ZMYND19: variants seen among roughly 807,000 people sequenced by gnomAD.
ZMYND19 encodes zinc finger MYND-type containing 19, also known as zinc finger MYND domain-containing protein 19.
A neutral mutation model predicts 32.0 loss-of-function variants in ZMYND19; 17 were observed. The observed-to-expected ratio is 0.53, with a 90% confidence interval of 0.36 to 0.80. ZMYND19 has a LOEUF of 0.80. Ranked by LOEUF, ZMYND19 falls within the 30% of genes least tolerant of loss-of-function variation. The pLI, the probability that ZMYND19 is intolerant of heterozygous loss-of-function variation, is 0.00. For missense variants in ZMYND19, 250 were observed against 293.6 expected, an observed-to-expected ratio of 0.85 and a Z score of 1.09; for synonymous variants, 124 against 113.6, an observed-to-expected ratio of 1.09 and a Z score of -0.58.
Position 137,590,066 on chromosome 9 carries a change from C to T in ZMYND19, c.51+147G>A, listed in dbSNP as rs1842254814. On this transcript the variant is annotated intron_variant, in intron 1 of 5. Transcript: ENST00000298585. The surrounding 1 kb of genome is among the most constrained non-coding windows in gnomAD (Gnocchi z 4.2). ...GCTGCACCCGCGCGGGGCCAGCAGC[C>T]GGGCCCGCGCAGCGTCCCCCGCCCC... The T allele has an allele frequency of 5.1e-6, 5 of 983,378 alleles. No individual in the cohort carries two copies. Among genetic ancestry groups the T allele is most frequent in the Admixed American group, 6.2e-5 (1 of 16,078 alleles). 60.9% of individuals were successfully genotyped at this position (983,378 alleles called of 1,614,324 possible).
chr9:137,583,160 C>T lies in ZMYND19; in HGVS notation c.363G>A (p.Glu121=), dbSNP rs141144260. 218 of 1,613,762 alleles carry T rather than the reference C, an allele frequency of 1.4e-4. 2 individuals carry two copies. In the African/African-American group the frequency reaches 2.5e-3, roughly 19 times the overall value. The change falls in exon 5 of 6, where the codon GAG becomes GAA. Residue 121 remains glutamate, a synonymous_variant. Transcript: ENST00000298585. ...GAATTGCAAGCCAATACAAGCTTTG[C>T]TCCCTTAAAGAAAGAAGCAGACACT... The part of the protein sequence containing the change: ...KAEETSSKQR[E]QSLYWLAIQQ...
intron 5 of ZMYND19, 145 bp from the exon 6 acceptor site, chr9:137,582,831 A>G (rs1832916976): frequency 6.7e-7 from 1 of 1,500,688 alleles, no homozygotes; most frequent in Non-Finnish European, 8.9e-7. Context: ...GGCCAGCACA[A>G]GGGCAAAGGG....
chr9:137,582,440 C>G lies in ZMYND19; in HGVS notation c.*103G>C. On this transcript the variant is annotated 3_prime_UTR_variant, in exon 6 of 6. Coordinates refer to ENST00000298585, the MANE Select transcript of ZMYND19 (RefSeq NM_138462.3). ...AGTCTCACGGCAGCTGTCCTGGGCC[C>G]GCAGCTGGCTTTTTTGGCACCTCCA... 1 of 1,498,136 alleles carries G rather than the reference C, an allele frequency of 6.7e-7. No individual in the cohort carries two copies. The highest frequency in any genetic ancestry group is 1.3e-5 in the South Asian group (1 of 76,646). The allele number at this position is 1,498,136 out of a possible 1,614,324, so 92.8% of individuals were successfully genotyped here. A position where few individuals can be genotyped will look rare whatever the true frequency, so the allele number is the denominator to read the frequency against.
Position 137,590,260 on chromosome 9 carries a change from T to A in ZMYND19, c.4A>T (p.Thr2Ser). The change falls in exon 1 of 6, where the codon ACC becomes TCC. Residue 2 changes from threonine to serine, a missense_variant. Around this residue, in one of 2 missense-constraint regions of ZMYND19, gnomAD observed 212 missense variants for 218.8 expected, o/e 0.97. Transcript: ENST00000298585. The surrounding 1 kb of genome is among the most constrained non-coding windows in gnomAD (Gnocchi z 4.2). M[T>S]DFKLGIVRLG... is the part of the protein sequence containing the mutation. The stretch of plus-strand genomic sequence containing the variant: ...CGCACGATACCCAATTTGAAGTCGG[T>A]CATGGCCGGGCCTGCGCTCTCGGCC... 8.7e-7 allele frequency: 1 copy of A among 1,145,226 alleles called. No homozygotes were observed. Among genetic ancestry groups the A allele is most frequent in the Non-Finnish European group, 1.1e-6 (1 of 917,646 alleles). 70.9% of individuals were successfully genotyped at this position (1,145,226 alleles called of 1,614,324 possible).
At chr9:137,583,243 G>A (rs1842167840) in intron 4 of ZMYND19, 80 bp from the exon 5 acceptor site, 3 of 1,516,426 alleles carry the variant, frequency 2.0e-6, no homozygotes, top group Non-Finnish European at 1.8e-6. Context: ...TGACTCCATA[G>A]AGTGCCATCC....
intron 1 of ZMYND19, chr9:137,589,382 C>T: frequency 1.0e-6 from 1 of 985,466 alleles, no homozygotes; most frequent in Non-Finnish European, 1.2e-6. Context: ...AGTTTTTCTT[C>T]TGGGATCTGA....
rs770670250 is a variant in ZMYND19, at chr9:137,587,699, C to T, written c.218+18G>A. The T allele has an allele frequency of 6.2e-7, 1 of 1,611,918 alleles. No homozygotes were observed. Among genetic ancestry groups the T allele is most frequent in the African/African-American group, 1.3e-5 (1 of 75,014 alleles). On this transcript the variant is annotated intron_variant, in intron 3 of 5. Coordinates refer to ENST00000298585, the MANE Select transcript of ZMYND19 (RefSeq NM_138462.3). ...GGAGCCCAGTGGCGGGGGGCAGAGA[C>T]AGCTTGGAAACACCCACCACAGCAG...
At chr9:137,589,476 C>G (rs1039356427) in intron 1 of ZMYND19, 93 of 985,350 alleles carry the variant, frequency 9.4e-5, no homozygotes, top group Non-Finnish European at 1.1e-4. Context: ...GGGAACAGGG[C>G]TCCCATCCGG....
Position 137,582,995 on chromosome 9 carries a change from C to T in ZMYND19, c.528G>A (p.Val176=), listed in dbSNP as rs1842164693. Residue 176 remains valine, a synonymous_variant, in exon 5 of 6, where the codon GTG becomes GTA. Transcript: ENST00000298585. ...GCAGCACACCCACCTGCTTCTCAATCACTGTGCAGGGAGGGTAGTGGCACT... is the reference window on the plus strand; with the variant it reads ...GCAGCACACCCACCTGCTTCTCAATTACTGTGCAGGGAGGGTAGTGGCACT... ...YYECHYPPCT[V]IEKQLREFNI... The T allele has an allele frequency of 1.2e-6, 2 of 1,614,102 alleles. No homozygotes were observed. Among genetic ancestry groups the T allele is most frequent in the Non-Finnish European group, 1.7e-6 (2 of 1,179,972 alleles).
intron 1 of ZMYND19, chr9:137,589,466 G>A (rs1842244388): frequency 5.1e-6 from 5 of 985,336 alleles, no homozygotes; most frequent in East Asian, 2.3e-4. Flanking sequence ...CGCTGGTGAC[G>A]GGAACAGGGC....
intron 5 of ZMYND19, 28 bp downstream of exon 5, chr9:137,582,955 G>A (rs1842163980): frequency 1.2e-6 from 2 of 1,610,524 alleles, no homozygotes. Context: ...GAGGTGCCAG[G>A]GACGCGACCG....
Position 137,582,327 on chromosome 9 carries a change from C to G in ZMYND19, c.*216G>C, listed in dbSNP as rs1376335412. 2 of 564,322 alleles carry G rather than the reference C, an allele frequency of 3.5e-6. No homozygotes were observed. Among genetic ancestry groups the G allele is most frequent in the Non-Finnish European group, 6.0e-6 (2 of 330,592 alleles). The allele number at this position is 564,322 out of a possible 1,614,324, so 35.0% of individuals were successfully genotyped here. A position where few individuals can be genotyped will look rare whatever the true frequency, so the allele number is the denominator to read the frequency against. ...CATATTAACATATAAATAATGAGAA[C>G]CGTCCTGGTGGGAGCCTCCTCCGTT... On this transcript the variant is annotated 3_prime_UTR_variant, in exon 6 of 6. Coordinates refer to ENST00000298585, the MANE Select transcript of ZMYND19 (RefSeq NM_138462.3).
intron 4 of ZMYND19, 84 bp from the exon 5 acceptor site, chr9:137,583,247 G>C (rs758958209): frequency 2.0e-6 from 3 of 1,489,092 alleles, no homozygotes; most frequent in Non-Finnish European, 2.7e-6. Context: ...TCCATAGAGT[G>C]CCATCCTGCC....
At chr9:137,585,625 G>C (rs1414498653) in intron 4 of ZMYND19, among the ~76,000 whole-genome samples, 2 of 152,084 alleles carry the variant, frequency 1.3e-5, no homozygotes, top group East Asian at 1.9e-4. Context: ...GGAAGGGATG[G>C]GGGGGGATTT....
chr9:137,587,952 C>T (rs935662067), intron 2 of ZMYND19, 129 bp from the exon 3 acceptor site: 1 of 911,116 alleles, frequency 1.1e-6, no homozygotes, highest in Admixed American at 1.9e-5. Flanking sequence ...CCCTGAGACC[C>T]TGGGGAGTGC....
intron 4 of ZMYND19, among the ~76,000 whole-genome samples, chr9:137,586,648 C>G (rs537035404): frequency 1.3e-5 from 2 of 152,178 alleles, no homozygotes; most frequent in Non-Finnish European, 2.9e-5. Context: ...GGCAGAAGCC[C>G]TGCTCACACC....
At chr9:137,586,238 TGTGTGCACAGAAAAGAATCCTGAG>T (rs1842202514) in intron 4 of ZMYND19, among the ~76,000 whole-genome samples, 1 of 152,138 alleles carries the variant, frequency 6.6e-6, no homozygotes, top group African/African-American at 2.4e-5. Context: ...AAGACCCATC[TGTGTGCACAGAAAAGAATCCTGAG>T]GTGAGGAGAG....
At position 137,589,822 on chromosome 9, in the gene ZMYND19, A is replaced by C. The variant is rs1340443318; in HGVS notation, c.51+391T>G. On this transcript the variant is annotated intron_variant, in intron 1 of 5. Coordinates refer to ENST00000298585, the MANE Select transcript of ZMYND19 (RefSeq NM_138462.3). ...TGCCTCGGAAAGGGCGCTGTGTTTA[A>C]ACCGTGTGGCCGCACTGGCAGCCCG... 4.1e-6 allele frequency: 4 copies of C among 985,314 alleles called. No individual in the cohort carries two copies. In the African/African-American group the frequency reaches 7.0e-5, roughly 17 times the overall value. The allele number at this position is 985,314 out of a possible 1,614,324, so 61.0% of individuals were successfully genotyped here.
At position 137,587,872 on chromosome 9, in the gene ZMYND19, C is replaced by G. The variant is rs1257314059; in HGVS notation, c.112-49G>C. On this transcript the variant is annotated intron_variant, in intron 2 of 5. Transcript: ENST00000298585. ...CTGTTAAAAAACCTCCAATTCTCAGCAACACTTCAATTCCCTCTTAGAAAA... is the reference window on the plus strand; with the variant it reads ...CTGTTAAAAAACCTCCAATTCTCAGGAACACTTCAATTCCCTCTTAGAAAA... 5.8e-6 allele frequency: 9 copies of G among 1,549,618 alleles called. No homozygotes were observed. In the Admixed American group the frequency reaches 1.3e-4, roughly 23 times the overall value.
Sources: allele counts gnomAD v4.1 joint callset (sites outside exome capture counted in the v4.1 genomes callset), GRCh38; gene constraint gnomAD v4.1.1; regional missense constraint gnomAD v4.1.1; non-coding constraint Gnocchi (gnomAD v3.1); transcripts MANE v1.5; gene names NCBI Gene and HGNC (gene_info 2026-07-23, HGNC 2026-07-21).